COMMD2: variants seen among roughly 807,000 people sequenced by gnomAD.
COMMD2 encodes COMM domain containing 2.
In COMMD2, 25 loss-of-function variants were observed where a neutral mutation model predicts 22.5. The observed-to-expected ratio is 1.11, with a 90% CI of 0.81 to 1.55. The LOEUF is 1.55. Ranked by LOEUF, COMMD2 falls within the 40% of genes most tolerant of loss-of-function variation. COMMD2 has a pLI of 0.00. For missense variants in COMMD2, 223 were observed against 232.9 expected, an observed-to-expected ratio of 0.96 and a Z score of 0.28; for synonymous variants, 98 against 91.2, an observed-to-expected ratio of 1.07 and a Z score of -0.42.
In COMMD2 at chr3:149,741,397, A is replaced by C; in HGVS notation, c.*124T>G. The stretch of plus-strand genomic sequence containing the variant: ...CTGATTATGACCTCAGTATCTTGGA[A>C]TAGATACTGAGGAATACTATGTATT... On this transcript the variant is annotated 3_prime_UTR_variant, in exon 5 of 5. Transcript: ENST00000473414. 1 of 785,122 alleles carries C rather than the reference A, an allele frequency of 1.3e-6. No individual in the cohort carries two copies. The highest frequency in any genetic ancestry group is 2.1e-6 in the Non-Finnish European group (1 of 485,220). 48.6% of individuals were successfully genotyped at this position (785,122 alleles called of 1,614,324 possible).
At chr3:149,748,747 A>G (rs1236171389) in intron 4 of COMMD2, among the ~76,000 whole-genome samples, 1 of 152,252 alleles carries the variant, frequency 6.6e-6, no homozygotes, top group Non-Finnish European at 1.5e-5. Flanking sequence ...ACTGTGTCCC[A>G]ATAAAACTTT....
At chr3:149,743,848 C>T (rs1345774225) in intron 4 of COMMD2, among the ~76,000 whole-genome samples, 1 of 152,202 alleles carries the variant, frequency 6.6e-6, no homozygotes, top group Non-Finnish European at 1.5e-5. Context: ...CAGACAGGGA[C>T]TGAGTGTATT....
chr3:149,741,614 T>C lies in COMMD2; in HGVS notation c.507A>G (p.Pro169=). 4 of 1,614,104 alleles carry C rather than the reference T, an allele frequency of 2.5e-6. No homozygotes were observed. The highest frequency in any genetic ancestry group is 3.4e-6 in the Non-Finnish European group (4 of 1,180,006). The change falls in exon 5 of 5, where the codon CCA becomes CCG. Residue 169 remains proline, a synonymous_variant. Coordinates refer to ENST00000473414, the MANE Select transcript of COMMD2 (RefSeq NM_016094.4). The part of the protein sequence containing the change: ...DHNTKVLQTD[P]ATLLHLVQQL... Reference sequence around the variant, plus strand: ...GTTGAACCAAATGGAGCAGGGTGGCTGGGTCTGTCTGCAGAACTTTGGTGT... The same window carrying C: ...GTTGAACCAAATGGAGCAGGGTGGCCGGGTCTGTCTGCAGAACTTTGGTGT...
intron 2 of COMMD2, 76 bp from the exon 3 acceptor site, chr3:149,751,561 T>TA (rs2108253893): frequency 8.0e-6 from 10 of 1,257,280 alleles, no homozygotes; most frequent in Non-Finnish European, 1.1e-5. Flanking sequence ...TATTTAAAAA[T>TA]AAACACTATT....
intron 4 of COMMD2, among the ~76,000 whole-genome samples, chr3:149,743,857 T>C (rs1716298659): frequency 6.6e-6 from 1 of 152,170 alleles, no homozygotes; most frequent in South Asian, 2.1e-4. Flanking sequence ...ACTGAGTGTA[T>C]TTGCTGTGTA....
rs750753212 is a variant in COMMD2 at position 149,738,613 on chromosome 3, A to G, written c.*2908T>C. ...ATTCCTATTTTAGAGATGAACAAAAAAAAAGGCTTTGAGAATTTATCAAGG... is the reference window on the plus strand; with the variant it reads ...ATTCCTATTTTAGAGATGAACAAAAGAAAAGGCTTTGAGAATTTATCAAGG... On this transcript the variant is annotated 3_prime_UTR_variant, in exon 5 of 5. Coordinates refer to ENST00000473414, the MANE Select transcript of COMMD2 (RefSeq NM_016094.4). The G allele has an allele frequency of 1.3e-5, 2 of 152,074 alleles. No homozygotes were observed. Among genetic ancestry groups the G allele is most frequent in the Non-Finnish European group, 2.9e-5 (2 of 67,954 alleles). The allele number at this position is 152,074 out of a possible 1,614,324, so 9.4% of individuals were successfully genotyped here. A position where few individuals can be genotyped will look rare whatever the true frequency, so the allele number is the denominator to read the frequency against.
At chr3:149,744,195 T>C (rs140997030) in intron 4 of COMMD2, among the ~76,000 whole-genome samples, 230 of 151,852 alleles carry the variant, frequency 1.5e-3, no homozygotes, top group African/African-American at 5.5e-3. Context: ...TCAATGCAAA[T>C]TAGAAAAAAG....
At position 149,740,413 on chromosome 3, in the gene COMMD2, T is replaced by C. The variant is rs1207831629; in HGVS notation, c.*1108A>G. On this transcript the variant is annotated 3_prime_UTR_variant, in exon 5 of 5. Coordinates refer to ENST00000473414, the MANE Select transcript of COMMD2 (RefSeq NM_016094.4). ...AATTTGTATCCAGGACAATCAAGAA[T>C]TGATTATATTTCTCTGCATCCATTA... 6.6e-6 allele frequency: 1 copy of C among 152,242 alleles called. No individual in the cohort carries two copies. Among genetic ancestry groups the C allele is most frequent in the East Asian group, 1.9e-4 (1 of 5,202 alleles). The allele number at this position is 152,242 out of a possible 1,614,324, so 9.4% of individuals were successfully genotyped here.
rs925342573 is a variant in COMMD2, at chr3:149,740,337, A to G, written c.*1184T>C. On this transcript the variant is annotated 3_prime_UTR_variant, in exon 5 of 5. Transcript: ENST00000473414. The stretch of plus-strand genomic sequence containing the variant: ...GATAGTTGCCTATAATGTAATAAAC[A>G]TGGCCTTCCTTCCCTCATCATAGTT... 6 of 152,238 alleles carry G rather than the reference A, an allele frequency of 3.9e-5. No individual in the cohort carries two copies. Among genetic ancestry groups the G allele is most frequent in the African/African-American group, 2.4e-5 (1 of 41,466 alleles). The allele number at this position is 152,238 out of a possible 1,614,324, so 9.4% of individuals were successfully genotyped here.
Position 149,741,369 on chromosome 3 carries a change from C to T in COMMD2, c.*152G>A. The T allele has an allele frequency of 2.9e-6, 2 of 695,640 alleles. No homozygotes were observed. The highest frequency in any genetic ancestry group is 4.7e-6 in the Non-Finnish European group (2 of 421,582). 43.1% of individuals were successfully genotyped at this position (695,640 alleles called of 1,614,324 possible). ...GCATGAGCCACTGCACCCAGCTTAG[C>T]TTCTGATTATGACCTCAGTATCTTG... On this transcript the variant is annotated 3_prime_UTR_variant, in exon 5 of 5. Coordinates refer to ENST00000473414, the MANE Select transcript of COMMD2 (RefSeq NM_016094.4).
At chr3:149,741,754 T>C (rs761501068) in intron 4 of COMMD2, 36 bp from the exon 5 acceptor site, 4 of 1,457,278 alleles carry the variant, frequency 2.7e-6, no homozygotes, top group Non-Finnish European at 3.9e-6. Flanking sequence ...CAGTAACTAT[T>C]TAATAACCAT....
chr3:149,738,987 T>C lies in COMMD2; in HGVS notation c.*2534A>G, dbSNP rs1329281612. On this transcript the variant is annotated 3_prime_UTR_variant, in exon 5 of 5. Transcript: ENST00000473414. Reference sequence around the variant, plus strand: ...CCAAGGAATGTAACATATGTAGACTTTGTGACACATATATTGGCATGTGGT... The same window carrying C: ...CCAAGGAATGTAACATATGTAGACTCTGTGACACATATATTGGCATGTGGT... 3 of 152,210 alleles carry C rather than the reference T, an allele frequency of 2.0e-5. No individual in the cohort carries two copies. The highest frequency in any genetic ancestry group is 7.2e-5 in the African/African-American group (3 of 41,460). The allele number at this position is 152,210 out of a possible 1,614,324, so 9.4% of individuals were successfully genotyped here. A position where few individuals can be genotyped will look rare whatever the true frequency, so the allele number is the denominator to read the frequency against.
rs1338142652 is a variant in COMMD2 at position 149,752,472 on chromosome 3, A to T, written c.-28T>A. ...TCACTGTCCTACGATTTCACCCGGC[A>T]GCGCCGACCCCGCCTTCGCCACTTC... is the stretch of plus-strand genomic sequence containing the variant. On this transcript the variant is annotated 5_prime_UTR_variant, in exon 1 of 5. Transcript: ENST00000473414. 6.3e-7 allele frequency: 1 copy of T among 1,599,558 alleles called. No individual in the cohort carries two copies. The highest frequency in any genetic ancestry group is 8.5e-7 in the Non-Finnish European group (1 of 1,171,456).
In COMMD2 at chr3:149,750,692, G is replaced by T; in HGVS notation, c.388C>A (p.Arg130=). 6.4e-7 allele frequency: 1 copy of T among 1,567,844 alleles called. No individual in the cohort carries two copies. The highest frequency in any genetic ancestry group is 8.7e-7 in the Non-Finnish European group (1 of 1,156,052). ...AAATGCTATACCTGTACATCTAGTC[G>T]CCATTCAAGGTTATGATAACTGGGA... is the stretch of plus-strand genomic sequence containing the variant. ...SLPSYHNLEW[R]LDVQLASRSL... Residue 130 remains arginine, a synonymous_variant, in exon 4 of 5, where the codon CGA becomes AGA. Transcript: ENST00000473414.
chr3:149,752,184 C>G, intron 2 of COMMD2, 26 bp downstream of exon 2: 1 of 1,603,704 alleles, frequency 6.2e-7, no homozygotes, highest in African/African-American at 1.3e-5. Context: ...TAGAAGCCTG[C>G]GGAGCCTTCC....
intron 4 of COMMD2, among the ~76,000 whole-genome samples, chr3:149,749,248 C>T (rs1366676024): frequency 6.6e-6 from 1 of 152,194 alleles, no homozygotes; most frequent in African/African-American, 2.4e-5. Flanking sequence ...AAGCTATCCG[C>T]CTGCCTTGGC....
chr3:149,740,420 T>C lies in COMMD2; in HGVS notation c.*1101A>G, dbSNP rs759640079. ...ATCCAGGACAATCAAGAATTGATTA[T>C]ATTTCTCTGCATCCATTATTTGTAA... On this transcript the variant is annotated 3_prime_UTR_variant, in exon 5 of 5. Transcript: ENST00000473414. The C allele has an allele frequency of 6.6e-6, 1 of 152,254 alleles. No homozygotes were observed. The highest frequency in any genetic ancestry group is 1.5e-5 in the Non-Finnish European group (1 of 68,046). 9.4% of individuals were successfully genotyped at this position (152,254 alleles called of 1,614,324 possible). A position where few individuals can be genotyped will look rare whatever the true frequency, so the allele number is the denominator to read the frequency against.
intron 4 of COMMD2, among the ~76,000 whole-genome samples, chr3:149,743,387 GC>G (rs1716289388): frequency 6.6e-6 from 1 of 152,056 alleles, no homozygotes. Context: ...ATAGGAGAAA[GC>G]AAAAAAGTTA....
Position 149,752,307 on chromosome 3 carries a change from G to A in COMMD2, c.68-20C>T. The stretch of plus-strand genomic sequence containing the variant: ...CGACCACTGCAATGAAAGTCAGAAG[G>A]CTGTTGAGTGCCAGGCGCTGCCTTT... On this transcript the variant is annotated intron_variant, in intron 1 of 4. Coordinates refer to ENST00000473414, the MANE Select transcript of COMMD2 (RefSeq NM_016094.4). 6.2e-7 allele frequency: 1 copy of A among 1,613,988 alleles called. No individual in the cohort carries two copies. The highest frequency in any genetic ancestry group is 8.5e-7 in the Non-Finnish European group (1 of 1,179,852).
Sources: allele counts gnomAD v4.1 joint callset (sites outside exome capture counted in the v4.1 genomes callset), GRCh38; gene constraint gnomAD v4.1.1; transcripts MANE v1.5; gene names NCBI Gene and HGNC (gene_info 2026-07-23, HGNC 2026-07-21).